HIP1R: variants seen among roughly 807,000 people sequenced by gnomAD.
HIP1R encodes the protein huntingtin-interacting protein 1-related protein.
HIP1R carries 135 observed loss-of-function variants against 144.2 expected under a neutral mutation model. The observed-to-expected ratio is 0.94, with a 90% CI of 0.81 to 1.08. The LOEUF is 1.08. Ranked by LOEUF, HIP1R falls within the 50% of genes least tolerant of loss-of-function variation. HIP1R has a pLI of 0.00. For synonymous variants in HIP1R, 698 were observed against 612.8 expected, an observed-to-expected ratio of 1.14 and a Z score of -2.05; for missense variants, 1,462 against 1,432.8, an observed-to-expected ratio of 1.02 and a Z score of -0.33.
intron 1 of HIP1R, among the ~76,000 whole-genome samples, chr12:122,843,663 A>T (rs2033123249): frequency 6.6e-6 from 1 of 152,000 alleles, no homozygotes; most frequent in African/African-American, 2.4e-5. Flanking sequence ...GCAGGCTCAG[A>T]GAGTTGTGAG....
chr12:122,835,006 A>G, upstream of HIP1R: 1 of 1,285,956 alleles, frequency 7.8e-7, no homozygotes, highest in Non-Finnish European at 1.0e-6. Flanking sequence ...GACAAGACTT[A>G]GTGAGTTCGG....
In HIP1R at chr12:122,850,093, T is replaced by C. The variant is rs1056055591; in HGVS notation, c.438+138T>C. 6.9e-6 allele frequency: 5 copies of C among 722,446 alleles called. No homozygotes were observed. The African/African-American group carries it at 8.7e-5, about 13-fold the overall frequency. 44.8% of individuals were successfully genotyped at this position (722,446 alleles called of 1,614,324 possible). A position where few individuals can be genotyped will look rare whatever the true frequency, so the allele number is the denominator to read the frequency against. ...TCCATTCACCTTCTTGTCCCAACTA[T>C]GACTAAAGGGGAGACGGGGAAGCCA... On this transcript the variant is annotated intron_variant, in intron 5 of 31. Transcript: ENST00000253083.
chr12:122,859,280 G>A, intron 22 of HIP1R, 83 bp downstream of exon 22: 2 of 1,502,794 alleles, frequency 1.3e-6, no homozygotes, highest in Non-Finnish European at 1.8e-6. Context: ...CTGAACAGGT[G>A]TTTGTGCGTG....
At chr12:122,839,536 G>C (rs781592000) in intron 1 of HIP1R, among the ~76,000 whole-genome samples, 2 of 152,306 alleles carry the variant, frequency 1.3e-5, no homozygotes, top group East Asian at 3.9e-4. Flanking sequence ...AGCATCCCCC[G>C]TGAAACCAAA....
In HIP1R at chr12:122,860,502, G is replaced by C; in HGVS notation, c.2639G>C (p.Gly880Ala). 3 of 1,612,902 alleles carry C rather than the reference G, an allele frequency of 1.9e-6. No homozygotes were observed. Among genetic ancestry groups the C allele is most frequent in the Admixed American group, 3.3e-5 (2 of 60,014 alleles). Residue 880 changes from glycine (G) to alanine (A), a missense_variant, in exon 27 of 32, where the codon GGC (glycine) becomes GCC (alanine). Coordinates refer to ENST00000253083, the MANE Select transcript of HIP1R (RefSeq NM_003959.3). Reference sequence around the variant, plus strand: ...CTCATCTCGGCCTCCAAGGCTGTGGGCTGGGGAGCCACACAGCTGGTGTAG... The same window carrying C: ...CTCATCTCGGCCTCCAAGGCTGTGGCCTGGGGAGCCACACAGCTGGTGTAG... ...EGLISASKAV[G>A]WGATQLVEAA... is the part of the protein sequence containing the mutation.
intron 1 of HIP1R, among the ~76,000 whole-genome samples, chr12:122,835,927 G>C (rs1374845851): frequency 1.3e-5 from 2 of 151,318 alleles, no homozygotes; most frequent in Non-Finnish European, 3.0e-5. Flanking sequence ...GAGGGGGCCG[G>C]GGTCAGGGTG....
At chr12:122,837,685 CTT>C (rs757456306) in intron 1 of HIP1R, among the ~76,000 whole-genome samples, 22 of 152,178 alleles carry the variant, frequency 1.4e-4, no homozygotes, top group Non-Finnish European at 2.6e-4. Context: ...CAATGAATAA[CTT>C]TGTAATGGGT....
At chr12:122,861,252 C>G (rs2033761887) in intron 30 of HIP1R, 56 bp from the exon 31 acceptor site, 1 of 1,613,256 alleles carries the variant, frequency 6.2e-7, no homozygotes, top group Non-Finnish European at 8.5e-7. Flanking sequence ...AGCCTGGACC[C>G]AGGAGAGAGC....
Position 122,854,958 on chromosome 12 carries a change from C to A in HIP1R, c.772C>A (p.His258Asn). ...CAGGGACCGGTTCCACGAGCAGTTT[C>A]ACAGGTACTGCCTGGGACAGGGACA... The part of the protein sequence containing the change: ...GHRDRFHEQF[H>N]SLRNFFRRAS... The change falls in exon 9 of 32, where the codon CAC (histidine) becomes AAC (asparagine). Residue 258 changes from histidine to asparagine, a missense_variant. Physicochemically the swap from His to Asn is moderately conservative, Grantham distance 68. This residue lies in a region of HIP1R where 350 missense variants were observed against 421.1 expected (regional missense o/e 0.83). Transcript: ENST00000253083. The A allele has an allele frequency of 6.2e-7, 1 of 1,612,580 alleles. No homozygotes were observed. Among genetic ancestry groups the A allele is most frequent in the Non-Finnish European group, 8.5e-7 (1 of 1,179,574 alleles).
At chr12:122,846,755 G>A (rs1369954004) in intron 1 of HIP1R, among the ~76,000 whole-genome samples, 1 of 152,202 alleles carries the variant, frequency 6.6e-6, no homozygotes, top group Non-Finnish European at 1.5e-5. Context: ...GCTAGGGGCC[G>A]GGGGCGGCCC....
At chr12:122,859,025 G>GC (rs5801491) in intron 21 of HIP1R, 36 bp from the exon 22 acceptor site, 22 of 1,605,914 alleles carry the variant, frequency 1.4e-5, no homozygotes, top group Middle Eastern at 1.6e-4. Context: ...GCCTGTCGGT[G>GC]GGGGGGGCTC....
intron 1 of HIP1R, among the ~76,000 whole-genome samples, chr12:122,842,538 G>A (rs2033084863): frequency 6.6e-6 from 1 of 152,210 alleles, no homozygotes. Context: ...GAAGGAAGAT[G>A]TCCCTGTATT....
intron 5 of HIP1R, chr12:122,850,467 C>T (rs1437474056): frequency 5.6e-5 from 8 of 142,658 alleles, no homozygotes; most frequent in Non-Finnish European, 8.3e-5. Context: ...GTTCGGTGGC[C>T]GCTGGGTGGG....
Position 122,859,083 on chromosome 12 carries a change from G to A in HIP1R, c.2181G>A (p.Glu727=), listed in dbSNP as rs1341354548. ...PADRLIDTCR[E]CGARALELMG... ...CAGGCCTCATAGACACCTGCAGGGAGTGCGGGGCCCGGGCTCTGGAGCTCA... is the reference window on the plus strand; with the variant it reads ...CAGGCCTCATAGACACCTGCAGGGAATGCGGGGCCCGGGCTCTGGAGCTCA... Residue 727 remains glutamate (E), a synonymous_variant, in exon 22 of 32, where the codon GAG becomes GAA. Coordinates refer to ENST00000253083, the MANE Select transcript of HIP1R (RefSeq NM_003959.3). The A allele has an allele frequency of 1.2e-6, 2 of 1,605,300 alleles. No individual in the cohort carries two copies. The highest frequency in any genetic ancestry group is 1.3e-5 in the African/African-American group (1 of 74,682).
At chr12:122,845,949 C>T (rs1007747273) in intron 1 of HIP1R, among the ~76,000 whole-genome samples, 7 of 152,214 alleles carry the variant, frequency 4.6e-5, no homozygotes, top group African/African-American at 1.4e-4. Context: ...AGCCCCATCC[C>T]GGGGTTTCCT....
In HIP1R at chr12:122,855,249, C is replaced by T. The variant is rs777423116; in HGVS notation, c.853-16C>T. 1.6e-5 allele frequency: 25 copies of T among 1,612,330 alleles called. No homozygotes were observed. The highest frequency in any genetic ancestry group is 5.1e-6 in the Non-Finnish European group (6 of 1,179,720). ...TTAGGGGACAGCTGAGCAGGTCCCA[C>T]CTGCCGCCCCTGCAGGGACCCCCTA... is the stretch of plus-strand genomic sequence containing the variant. On this transcript the variant is annotated splice_polypyrimidine_tract_variant and intron_variant, in intron 10 of 31. Coordinates refer to ENST00000253083, the MANE Select transcript of HIP1R (RefSeq NM_003959.3).
intron 1 of HIP1R, 26 bp from the exon 2 acceptor site, chr12:122,848,005 A>G: frequency 6.2e-7 from 1 of 1,612,686 alleles, no homozygotes; most frequent in South Asian, 1.1e-5. Flanking sequence ...CTGGGGCTCT[A>G]AACACTGCTC....
rs1379405461 is a variant in HIP1R, at chr12:122,858,207, A to C, written c.1921A>C (p.Lys641Gln). ...GGGCATCCTGCAGGATGCCGTGAGC[A>C]AGCTGGACGACCCCCTGCACCTGCG... ...AAGILQDAVS[K>Q]LDDPLHLRCT... The change falls in exon 19 of 32, where the codon AAG becomes CAG. Residue 641 changes from lysine (K) to glutamine (Q), a missense_variant. Transcript: ENST00000253083. The C allele has an allele frequency of 1.2e-6, 2 of 1,607,694 alleles. No individual in the cohort carries two copies. The highest frequency in any genetic ancestry group is 3.3e-5 in the Admixed American group (2 of 59,742).
rs1439864310 is a variant in HIP1R, at chr12:122,860,583, G to C, written c.2660+60G>C. 5.1e-6 allele frequency: 8 copies of C among 1,565,900 alleles called. No homozygotes were observed. In the East Asian group the frequency reaches 1.8e-4, roughly 35 times the overall value. The stretch of plus-strand genomic sequence containing the variant: ...GCTTCCTGCCAGTTGGAGCAGTTTG[G>C]GGTTCAACAGGGTGCAGGGAGTAGA... On this transcript the variant is annotated intron_variant, in intron 27 of 31. Coordinates refer to ENST00000253083, the MANE Select transcript of HIP1R (RefSeq NM_003959.3).
Sources: gnomAD v4.1 joint callset for allele counts (sites outside exome capture counted in the v4.1 genomes callset) on GRCh38, gnomAD v4.1.1 for gene constraint, gnomAD v4.1.1 regional missense constraint, MANE v1.5 for transcripts, NCBI Gene and HGNC (gene_info 2026-07-23, HGNC 2026-07-21) for gene names.